The following SH3RF1 variants were observed in gnomAD, a reference collection of about 807,000 sequenced individuals.
SH3RF1 encodes E3 ubiquitin-protein ligase SH3RF1.
In SH3RF1, 32 loss-of-function variants were observed where a neutral mutation model predicts 74.0. The ratio of observed to expected loss-of-function variants is 0.43; its 90% confidence interval spans 0.33 to 0.58. The LOEUF is 0.58. Among genes scored for constraint, SH3RF1 ranks in the 20% least tolerant of loss-of-function variants. The pLI, the probability that SH3RF1 is intolerant of heterozygous loss-of-function variation, is 0.05. For synonymous variants in SH3RF1, 396 were observed against 439.6 expected (o/e 0.90, Z 1.24); for missense variants, 954 against 1,130.9 (o/e 0.84, Z 2.24).
At chr4:169,188,068 AAAG>A (rs1734638168) in intron 2 of SH3RF1, among the ~76,000 whole-genome samples, 1 of 152,118 alleles carries the variant, frequency 6.6e-6, no homozygotes, top group South Asian at 2.1e-4. Context: ...AACTAGGAAG[AAAG>A]AAGAAGGGAT....
At chr4:169,239,583 T>A (rs1029031941) in intron 2 of SH3RF1, among the ~76,000 whole-genome samples, 2 of 152,222 alleles carry the variant, frequency 1.3e-5, no homozygotes, top group Non-Finnish European at 2.9e-5. Flanking sequence ...TTTCAAAAAT[T>A]TAACCATTCT....
intron 2 of SH3RF1, among the ~76,000 whole-genome samples, chr4:169,259,458 C>T (rs1731240524): frequency 2.0e-5 from 3 of 152,132 alleles, no homozygotes; most frequent in Admixed American, 6.5e-5. Context: ...TACAGCCACC[C>T]ATATGTCACC....
rs10009403 is a variant in SH3RF1 at position 169,152,145 on chromosome 4, A to G, written c.765+3335T>C. On this transcript the variant is annotated intron_variant, in intron 4 of 11. Transcript: ENST00000284637. ...TCAAGAACTGCTTTTAACCTTTACT[A>G]TTTTCCAGCTTACACAAGTGAAGAA... Among the ~76,000 whole-genome samples, 576 of 152,156 alleles carry G rather than the reference A, an allele frequency of 3.8e-3. 5 individuals carry two copies. The highest frequency in any genetic ancestry group is 0.013 in the African/African-American group (558 of 41,494).
intron 2 of SH3RF1, among the ~76,000 whole-genome samples, chr4:169,195,401 A>G (rs1734792708): frequency 6.6e-6 from 1 of 152,078 alleles, no homozygotes; most frequent in Non-Finnish European, 1.5e-5. Flanking sequence ...ATGTCTAGGT[A>G]TGAGTTTCTT....
chr4:169,113,878 G>A (rs929832476), intron 10 of SH3RF1, among the ~76,000 whole-genome samples: 2 of 152,158 alleles, frequency 1.3e-5, no homozygotes, highest in Non-Finnish European at 2.9e-5. Context: ...AAAGACACAA[G>A]GGGACACACC....
At chr4:169,254,263 A>G (rs528379322) in intron 2 of SH3RF1, among the ~76,000 whole-genome samples, 1 of 152,350 alleles carries the variant, frequency 6.6e-6, no homozygotes, top group Non-Finnish European at 1.5e-5. Context: ...CTTTTTCCAC[A>G]GTCATGAGCA....
intron 2 of SH3RF1, 35 bp downstream of exon 2, chr4:169,268,785 C>A (rs1267078740): frequency 2.0e-6 from 3 of 1,524,492 alleles, no homozygotes; most frequent in Non-Finnish European, 2.6e-6. Flanking sequence ...ACATTACCAC[C>A]TTTATTCACC....
chr4:169,122,134 T>A lies in SH3RF1; in HGVS notation c.1312A>T (p.Ile438Phe). 2 of 1,612,992 alleles carry A rather than the reference T, an allele frequency of 1.2e-6. No homozygotes were observed. Among genetic ancestry groups the A allele is most frequent in the South Asian group, 2.2e-5 (2 of 91,014 alleles). Residue 438 changes from isoleucine (I) to phenylalanine (F), a missense_variant, in exon 7 of 12, where the codon ATT becomes TTT. By Grantham distance (21) the Ile-to-Phe change is conservative (BLOSUM62 0). Coordinates refer to ENST00000284637, the MANE Select transcript of SH3RF1 (RefSeq NM_020870.4). Reference protein sequence around the residue: ...PRPMAGSTDQIAHLRPQTRPS... With the variant: ...PRPMAGSTDQFAHLRPQTRPS... ...CGAGTCTGCGGCCGTAAATGTGCAA[T>A]CTGGTCAGTGGATCCTGCCATGGGC...
intron 2 of SH3RF1, among the ~76,000 whole-genome samples, chr4:169,213,831 T>C (rs1730416944): frequency 6.6e-6 from 1 of 152,256 alleles, no homozygotes; most frequent in African/African-American, 2.4e-5. Flanking sequence ...ACTATATTTA[T>C]GTGAGTCTAT....
chr4:169,208,367 GC>G (rs1730296031), intron 2 of SH3RF1, among the ~76,000 whole-genome samples: 1 of 151,976 alleles, frequency 6.6e-6, no homozygotes. Flanking sequence ...TTAATCATAT[GC>G]CTAAAGAAAG....
At chr4:169,232,194 T>A (rs114535034) in intron 2 of SH3RF1, among the ~76,000 whole-genome samples, 220 of 152,274 alleles carry the variant, frequency 1.4e-3, no homozygotes, top group Middle Eastern at 0.01. Flanking sequence ...CCCAACAGGC[T>A]CTTGGAGACA....
chr4:169,208,453 A>G (rs534733486), intron 2 of SH3RF1, among the ~76,000 whole-genome samples: 13 of 152,334 alleles, frequency 8.5e-5, no homozygotes, highest in Admixed American at 2.0e-4. Context: ...TGATAAAATT[A>G]TACTTCTTTT....
At position 169,122,061 on chromosome 4, in the gene SH3RF1, A is replaced by T. The variant is rs766081100; in HGVS notation, c.1346+39T>A. 28 of 1,599,582 alleles carry T rather than the reference A, an allele frequency of 1.8e-5. No individual in the cohort carries two copies. The African/African-American group carries it at 3.2e-4, about 18-fold the overall frequency. Reference sequence around the variant, plus strand: ...CCTCTGAGGTTTGGACTTCGTTTAAATGAACACATAAGCAGTAACAGACGA... The same window carrying T: ...CCTCTGAGGTTTGGACTTCGTTTAATTGAACACATAAGCAGTAACAGACGA... On this transcript the variant is annotated intron_variant, in intron 7 of 11. Coordinates refer to ENST00000284637, the MANE Select transcript of SH3RF1 (RefSeq NM_020870.4).
chr4:169,184,499 A>C (rs749293403), intron 2 of SH3RF1, among the ~76,000 whole-genome samples: 11 of 152,176 alleles, frequency 7.2e-5, no homozygotes, highest in Non-Finnish European at 1.2e-4. Context: ...CCTGAGTCTC[A>C]CAGGAGGATA....
intron 2 of SH3RF1, among the ~76,000 whole-genome samples, chr4:169,253,315 G>A (rs1013329213): frequency 6.6e-6 from 1 of 152,208 alleles, no homozygotes; most frequent in African/African-American, 2.4e-5. Context: ...GTAAGTATCA[G>A]ATAGCTTAGT....
At chr4:169,130,839 G>A (rs148905228) in intron 5 of SH3RF1, among the ~76,000 whole-genome samples, 2 of 152,242 alleles carry the variant, frequency 1.3e-5, no homozygotes, top group East Asian at 3.9e-4. Context: ...TAAGTTACTC[G>A]ATCAATTTCA....
At chr4:169,202,964 A>G (rs1366602468) in intron 2 of SH3RF1, among the ~76,000 whole-genome samples, 1 of 152,230 alleles carries the variant, frequency 6.6e-6, no homozygotes, top group Non-Finnish European at 1.5e-5. Context: ...CTAGATAGCA[A>G]TGTATATCCT....
intron 2 of SH3RF1, among the ~76,000 whole-genome samples, chr4:169,237,080 T>G (rs1730833545): frequency 6.6e-6 from 1 of 152,166 alleles, no homozygotes; most frequent in Admixed American, 6.5e-5. Context: ...AGAAAGAGAT[T>G]CAACAGAAGG....
intron 2 of SH3RF1, among the ~76,000 whole-genome samples, chr4:169,176,480 T>C (rs955928117): frequency 2.6e-5 from 4 of 152,150 alleles, no homozygotes; most frequent in African/African-American, 9.7e-5. Flanking sequence ...AAAACAAATA[T>C]TAATTTTAAC....
Sources: gnomAD v4.1 joint callset for allele counts (sites outside exome capture counted in the v4.1 genomes callset) on GRCh38, gnomAD v4.1.1 for gene constraint, MANE v1.5 for transcripts, NCBI Gene and HGNC (gene_info 2026-07-23, HGNC 2026-07-21) for gene names.